The following CEMIP2 variants were observed in gnomAD, a reference collection of about 807,000 sequenced individuals.
CEMIP2 encodes the protein cell migration inducing hyaluronidase 2, also known as cell surface hyaluronidase CEMIP2.
CEMIP2 carries 79 observed loss-of-function variants against 146.9 expected under a neutral mutation model. The ratio of observed to expected loss-of-function variants is 0.54; its 90% confidence interval spans 0.45 to 0.65. CEMIP2 has a LOEUF of 0.65. CEMIP2 is among the 30% of genes least tolerant of loss of function. The pLI, the probability that CEMIP2 is intolerant of heterozygous loss-of-function variation, is 0.00. For synonymous variants in CEMIP2, 601 were observed against 606.3 expected (o/e 0.99, Z 0.13); for missense variants, 1,596 against 1,696.2 (o/e 0.94, Z 1.04).
At chr9:71,727,835 C>T (rs375436386) in intron 10 of CEMIP2, among the ~76,000 whole-genome samples, 2 of 151,888 alleles carry the variant, frequency 1.3e-5, no homozygotes, top group Non-Finnish European at 2.9e-5. Context: ...CCAAGGCGGG[C>T]GGATCACCTG....
chr9:71,698,802 C>T (rs1406388460), intron 19 of CEMIP2, among the ~76,000 whole-genome samples: 1 of 152,052 alleles, frequency 6.6e-6, no homozygotes, highest in African/African-American at 2.4e-5. Context: ...CTTCCCACTG[C>T]CAAGATGAAT....
In CEMIP2 at chr9:71,726,631, A is replaced by G. The variant is rs72737970; in HGVS notation, c.2050-922T>C. Among the ~76,000 whole-genome samples, 699 of 152,372 alleles carry G rather than the reference A, an allele frequency of 4.6e-3. 42 individuals are homozygous for G. The South Asian group carries it at 0.12, about 27-fold the overall frequency. On this transcript the variant is annotated intron_variant, in intron 10 of 23. Transcript: ENST00000377044. ...CTAATAAGTACTTACTAGCTGTAACAAATAGAGTCCATTGGGAGGAGAGAT... is the reference window on the plus strand; with the variant it reads ...CTAATAAGTACTTACTAGCTGTAACGAATAGAGTCCATTGGGAGGAGAGAT...
intron 12 of CEMIP2, among the ~76,000 whole-genome samples, chr9:71,721,476 AT>A (rs1823229969): frequency 6.6e-6 from 1 of 152,184 alleles, no homozygotes; most frequent in East Asian, 1.9e-4. Flanking sequence ...GCATCAACAT[AT>A]TTCAGGCTCA....
intron 22 of CEMIP2, chr9:71,686,621 G>A (rs1490069184): frequency 6.6e-6 from 1 of 151,986 alleles, no homozygotes; most frequent in East Asian, 1.9e-4. Context: ...GATGGTCTGG[G>A]GCACAGCTCT....
chr9:71,703,441 C>G (rs148005904), intron 18 of CEMIP2, among the ~76,000 whole-genome samples: 1 of 152,138 alleles, frequency 6.6e-6, no homozygotes, highest in African/African-American at 2.4e-5. Context: ...GCATCTGCCA[C>G]GATGTTCATC....
At chr9:71,709,670 G>A (rs1407424365) in intron 16 of CEMIP2, among the ~76,000 whole-genome samples, 196 bp from the exon 17 acceptor site, 1 of 152,144 alleles carries the variant, frequency 6.6e-6, no homozygotes, top group Non-Finnish European at 1.5e-5. Context: ...CTGGGGTTGG[G>A]GGGAATTTCC....
chr9:71,703,303 T>C (rs1024450024), intron 18 of CEMIP2, among the ~76,000 whole-genome samples: 9 of 152,184 alleles, frequency 5.9e-5, no homozygotes, highest in African/African-American at 2.2e-4. Context: ...AGTACTGGCC[T>C]TGGGGCTTGG....
At chr9:71,714,662 A>T (rs972575216) in intron 15 of CEMIP2, among the ~76,000 whole-genome samples, 1 of 152,236 alleles carries the variant, frequency 6.6e-6, no homozygotes, top group African/African-American at 2.4e-5. Flanking sequence ...AAGGAATGAG[A>T]AACAAGACAA....
chr9:71,710,868 A>G (rs1035704938), intron 16 of CEMIP2, among the ~76,000 whole-genome samples: 3 of 152,112 alleles, frequency 2.0e-5, no homozygotes, highest in Non-Finnish European at 4.4e-5. Context: ...CTGACACTCC[A>G]ATTTGTACTT....
chr9:71,763,969 T>G (rs1824712845), intron 1 of CEMIP2, among the ~76,000 whole-genome samples: 1 of 152,190 alleles, frequency 6.6e-6, no homozygotes. Context: ...TATTAAAGGC[T>G]TCCCAAAGCA....
chr9:71,766,339 C>T (rs1824794992), intron 1 of CEMIP2, among the ~76,000 whole-genome samples: 1 of 152,202 alleles, frequency 6.6e-6, no homozygotes, highest in Non-Finnish European at 1.5e-5. Context: ...TCCCAAAGTG[C>T]TGGGATTACA....
chr9:71,712,606 C>T (rs527414287), intron 15 of CEMIP2, among the ~76,000 whole-genome samples: 3 of 152,252 alleles, frequency 2.0e-5, no homozygotes, highest in Admixed American at 6.5e-5. Flanking sequence ...ATCTTTTATT[C>T]GGAACCTCAG....
At chr9:71,711,101 T>A (rs984485550) in intron 16 of CEMIP2, among the ~76,000 whole-genome samples, 2 of 152,176 alleles carry the variant, frequency 1.3e-5, no homozygotes, top group African/African-American at 4.8e-5. Context: ...GGCAAGATGA[T>A]GAAAGCCTGG....
At chr9:71,704,528 G>A (rs1237481166) in intron 18 of CEMIP2, 67 bp downstream of exon 18, 2 of 1,559,658 alleles carry the variant, frequency 1.3e-6, no homozygotes, top group African/African-American at 1.4e-5. Context: ...GGAGACATAA[G>A]TTATTCTTTT....
chr9:71,748,023 G>C (rs1824136750), intron 2 of CEMIP2, among the ~76,000 whole-genome samples: 1 of 152,098 alleles, frequency 6.6e-6, no homozygotes, highest in African/African-American at 2.4e-5. Flanking sequence ...TAATAATGAG[G>C]ATTCCTTAAC....
At position 71,730,087 on chromosome 9, in the gene CEMIP2, A is replaced by G; in HGVS notation, c.1940T>C (p.Val647Ala). Residue 647 changes from valine to alanine, a missense_variant, in exon 9 of 24, where the codon GTG (valine) becomes GCG (alanine). Val to Ala is a moderately conservative substitution (Grantham distance 64). Transcript: ENST00000377044. ...NSMCTTMRDK[V>A]FGNYIPVPAT... ...AGGCACAGGAATGTAATTTCCAAAC[A>G]CTTTATCTCGCATGGTGGTACACAT... 1 of 1,613,920 alleles carries G rather than the reference A, an allele frequency of 6.2e-7. No individual in the cohort carries two copies. The highest frequency in any genetic ancestry group is 8.5e-7 in the Non-Finnish European group (1 of 1,180,000).
At chr9:71,743,916 G>A (rs374132261) in intron 4 of CEMIP2, among the ~76,000 whole-genome samples, 3 of 151,876 alleles carry the variant, frequency 2.0e-5, no homozygotes, top group East Asian at 1.9e-4. Context: ...AGATCATTAC[G>A]GCATGTCGGT....
chr9:71,755,381 A>AC (rs55856832), intron 1 of CEMIP2, among the ~76,000 whole-genome samples: 20 of 149,238 alleles, frequency 1.3e-4, no homozygotes, highest in South Asian at 2.1e-4. Flanking sequence ...ACACACACAC[A>AC]AAATTAAATC....
At chr9:71,720,444 T>C (rs1823201513) in intron 12 of CEMIP2, among the ~76,000 whole-genome samples, 1 of 152,130 alleles carries the variant, frequency 6.6e-6, no homozygotes, top group Non-Finnish European at 1.5e-5. Flanking sequence ...ATATCTGCCA[T>C]CATGCCCAGC....
Sources: allele counts gnomAD v4.1 joint callset (sites outside exome capture counted in the v4.1 genomes callset), GRCh38; gene constraint gnomAD v4.1.1; transcripts MANE v1.5; gene names NCBI Gene and HGNC (gene_info 2026-07-23, HGNC 2026-07-21).